The following DPY19L3 variants were observed in gnomAD, a reference collection of about 807,000 sequenced individuals.
DPY19L3 encodes protein C-mannosyl-transferase DPY19L3.
DPY19L3 carries 51 observed loss-of-function variants against 92.3 expected under a neutral mutation model. That is an observed-to-expected ratio of 0.55 (90% CI 0.44 to 0.70). DPY19L3 has a LOEUF of 0.70. DPY19L3 is among the 30% of genes least tolerant of loss of function. DPY19L3 has a pLI of 0.00. For synonymous variants in DPY19L3, 309 were observed against 315.2 expected, an observed-to-expected ratio of 0.98 and a Z score of 0.21; for missense variants, 706 against 855.9, an observed-to-expected ratio of 0.82 and a Z score of 2.18.
chr19:32,443,364 TC>T (rs757725870), intron 8 of DPY19L3, among the ~76,000 whole-genome samples: 20 of 152,132 alleles, frequency 1.3e-4, no homozygotes, highest in Non-Finnish European at 2.1e-4. Context: ...GTTTTTGTGG[TC>T]CCCCACCAAA....
chr19:32,424,661 A>G (rs560375031), intron 3 of DPY19L3, among the ~76,000 whole-genome samples: 80 of 152,170 alleles, frequency 5.3e-4, no homozygotes, highest in Non-Finnish European at 9.7e-4. Context: ...TAGATCTTCA[A>G]GTTGACCTAC....
intron 12 of DPY19L3, among the ~76,000 whole-genome samples, chr19:32,461,010 C>T (rs1970024305): frequency 6.6e-6 from 1 of 152,170 alleles, no homozygotes. Context: ...GGATTACAGG[C>T]ATGCACAACC....
Position 32,449,426 on chromosome 19 carries a change from G to A in DPY19L3, c.856-3719G>A, listed in dbSNP as rs138497186. Reference sequence around the variant, plus strand: ...TTGCAGAAATTGACAAGCTAATCCTGAAATTCATATGGAAACTCAGGGGAC... The same window carrying A: ...TTGCAGAAATTGACAAGCTAATCCTAAAATTCATATGGAAACTCAGGGGAC... On this transcript the variant is annotated intron_variant, in intron 8 of 18. Transcript: ENST00000392250. Among the ~76,000 whole-genome samples the A allele has an allele frequency of 2.2e-4, 33 of 152,200 alleles. No individual in the cohort carries two copies. The East Asian group carries it at 4.2e-3, about 20-fold the overall frequency.
chr19:32,464,434 T>C (rs536529167), intron 14 of DPY19L3, among the ~76,000 whole-genome samples: 6 of 152,360 alleles, frequency 3.9e-5, no homozygotes, highest in Admixed American at 3.9e-4. Flanking sequence ...ATGATTAGAA[T>C]CCTAGTATCG....
chr19:32,461,246 C>T (rs1045955906), intron 12 of DPY19L3, among the ~76,000 whole-genome samples: 1 of 151,772 alleles, frequency 6.6e-6, no homozygotes, highest in African/African-American at 2.4e-5. Context: ...CTGCCTCAGC[C>T]TCCCAAAGTG....
Position 32,436,436 on chromosome 19 carries a change from A to G in DPY19L3, c.329-10A>G, listed in dbSNP as rs1969141177. The G allele has an allele frequency of 2.7e-6, 4 of 1,465,082 alleles. No homozygotes were observed. Among genetic ancestry groups the G allele is most frequent in the Non-Finnish European group, 3.7e-6 (4 of 1,078,318 alleles). The allele number at this position is 1,465,082 out of a possible 1,614,324, so 90.8% of individuals were successfully genotyped here. ...AATTATTTTCTTCCTGACTTTTCAC[A>G]TATCTATAGGTTTTCATGGCCTAAT... On this transcript the variant is annotated splice_polypyrimidine_tract_variant and intron_variant, in intron 4 of 18. Transcript: ENST00000392250.
intron 3 of DPY19L3, among the ~76,000 whole-genome samples, chr19:32,416,126 G>GA (rs1386674619): frequency 6.6e-6 from 1 of 152,172 alleles, no homozygotes; most frequent in Non-Finnish European, 1.5e-5. Flanking sequence ...GAGAGGAGAA[G>GA]AACAGATCAC....
intron 16 of DPY19L3, among the ~76,000 whole-genome samples, chr19:32,476,528 CA>C (rs71176126): frequency 0.21 from 19,857 of 93,222 alleles, 1,442 homozygotes; most frequent in East Asian, 0.47. Context: ...CTCAGGTTTC[CA>C]AAAAAAAAAA....
intron 3 of DPY19L3, among the ~76,000 whole-genome samples, chr19:32,425,900 C>T (rs1438335266): frequency 1.3e-5 from 2 of 152,162 alleles, no homozygotes; most frequent in Non-Finnish European, 2.9e-5. Flanking sequence ...GCTGTATTAG[C>T]CCCTAACGAG....
At chr19:32,448,574 G>C (rs2145543736) in intron 8 of DPY19L3, among the ~76,000 whole-genome samples, 1 of 152,268 alleles carries the variant, frequency 6.6e-6, no homozygotes, top group Admixed American at 6.5e-5. Flanking sequence ...GCTAGAGAAA[G>C]GGAAATGTTA....
chr19:32,431,376 C>CA (rs56168092), intron 3 of DPY19L3, among the ~76,000 whole-genome samples: 85,866 of 144,660 alleles, frequency 0.59, 24,977 homozygotes, highest in East Asian at 0.64. Context: ...AACTCCGTCT[C>CA]AAAAAAAAAA....
At position 32,455,017 on chromosome 19, in the gene DPY19L3, CTT is replaced by C; in HGVS notation, c.1070_1071del (p.Phe357SerfsTer6). The C allele has an allele frequency of 1.3e-6, 2 of 1,562,700 alleles. No homozygotes were observed. The highest frequency in any genetic ancestry group is 2.3e-5 in the East Asian group (1 of 43,104). On this transcript the variant is annotated frameshift_variant, in exon 10 of 19. Transcript: ENST00000392250. LOFTEE classifies it high-confidence loss of function. ...LHLFMVLCLT[L>X]FLNNIIKKIL... Reference sequence around the variant, plus strand: ...TTTATTTATGGTTTTATGTTTGACACTTTTTCTCAACAACATAATTAAGGTAA... The same window carrying C: ...TTTATTTATGGTTTTATGTTTGACACTTTCTCAACAACATAATTAAGGTAA...
At chr19:32,410,035 C>A (rs1968123327) in intron 2 of DPY19L3, among the ~76,000 whole-genome samples, 1 of 152,166 alleles carries the variant, frequency 6.6e-6, no homozygotes, top group Non-Finnish European at 1.5e-5. Flanking sequence ...CAGAGAGGCA[C>A]CAATTTATTC....
chr19:32,436,687 A>G (rs913471186), intron 5 of DPY19L3, 120 bp downstream of exon 5: 9 of 928,806 alleles, frequency 9.7e-6, no homozygotes, highest in African/African-American at 1.7e-5. Flanking sequence ...AATCAGCAAT[A>G]CTATATTTTT....
At chr19:32,441,965 T>G (rs1051344738) in intron 8 of DPY19L3, among the ~76,000 whole-genome samples, 32 of 152,214 alleles carry the variant, frequency 2.1e-4, no homozygotes, top group Non-Finnish European at 4.4e-4. Context: ...TATCAGACTT[T>G]AAGGAGGAAC....
At chr19:32,423,691 TAAAAG>T (rs755295795) in intron 3 of DPY19L3, among the ~76,000 whole-genome samples, 4 of 152,060 alleles carry the variant, frequency 2.6e-5, no homozygotes, top group Non-Finnish European at 4.4e-5. Flanking sequence ...TAACACAAGA[TAAAAG>T]AAGAAGGGGA....
At chr19:32,427,238 A>G (rs1436219396) in intron 3 of DPY19L3, among the ~76,000 whole-genome samples, 1 of 152,018 alleles carries the variant, frequency 6.6e-6, no homozygotes, top group Non-Finnish European at 1.5e-5. Context: ...TAAGTAATCC[A>G]CCTACCTCGG....
intron 8 of DPY19L3, among the ~76,000 whole-genome samples, chr19:32,442,446 G>C (rs188773143): frequency 1.9e-3 from 289 of 152,272 alleles, no homozygotes; most frequent in African/African-American, 6.0e-3. Context: ...AGACAAGAGG[G>C]AGTAGAGACA....
intron 3 of DPY19L3, among the ~76,000 whole-genome samples, chr19:32,429,261 T>C (rs1968880252): frequency 6.6e-6 from 1 of 152,252 alleles, no homozygotes; most frequent in Non-Finnish European, 1.5e-5. Flanking sequence ...CCTGTGCAAA[T>C]TGAATATGAA....
Sources: allele counts gnomAD v4.1 joint callset (sites outside exome capture counted in the v4.1 genomes callset), GRCh38; gene constraint gnomAD v4.1.1; transcripts MANE v1.5; gene names NCBI Gene and HGNC (gene_info 2026-07-23, HGNC 2026-07-21).